TEKT5: variants seen among roughly 807,000 people sequenced by gnomAD.
TEKT5 encodes the protein tektin-5.
A neutral mutation model predicts 48.7 loss-of-function variants in TEKT5; 52 were observed. That is an observed-to-expected ratio of 1.07 (90% CI 0.86 to 1.35). The LOEUF (loss-of-function observed/expected upper bound fraction) is 1.35, where lower values mean the gene tolerates loss of function less well. TEKT5 is among the 40% of genes most tolerant of loss of function. The pLI, the probability that TEKT5 is intolerant of heterozygous loss-of-function variation, is 0.00. For synonymous variants in TEKT5, 318 were observed against 267.6 expected (o/e 1.19, Z -1.84); for missense variants, 831 against 641.6 (o/e 1.30, Z -3.19).
chr16:10,644,543 C>T (rs1898042294), intron 5 of TEKT5, among the ~76,000 whole-genome samples: 1 of 152,294 alleles, frequency 6.6e-6, no homozygotes, highest in South Asian at 2.1e-4. Context: ...AAACGGACAG[C>T]CACCTCCATC....
intron 5 of TEKT5, among the ~76,000 whole-genome samples, chr16:10,636,311 G>T (rs1456244434): frequency 1.3e-5 from 2 of 151,732 alleles, no homozygotes; most frequent in Non-Finnish European, 2.9e-5. Context: ...GGAGGCGGAG[G>T]TTGCAGTGAG....
intron 2 of TEKT5, among the ~76,000 whole-genome samples, chr16:10,689,689 C>T (rs1171807165): frequency 6.6e-6 from 1 of 152,074 alleles, no homozygotes; most frequent in Non-Finnish European, 1.5e-5. Context: ...TCAATAAACG[C>T]TAGCTTTTAT....
At chr16:10,652,308 CCA>C (rs1898171227) in intron 5 of TEKT5, among the ~76,000 whole-genome samples, 1 of 152,012 alleles carries the variant, frequency 6.6e-6, no homozygotes, top group South Asian at 2.1e-4. Context: ...TGCTTTTCTC[CCA>C]CACACTCTGA....
At chr16:10,647,575 G>A (rs1001334383) in intron 5 of TEKT5, among the ~76,000 whole-genome samples, 1 of 152,028 alleles carries the variant, frequency 6.6e-6, no homozygotes, top group Non-Finnish European at 1.5e-5. Flanking sequence ...CCACCAGTAG[G>A]TGCTGTTGCT....
chr16:10,638,001 T>C (rs1010403814), intron 5 of TEKT5, among the ~76,000 whole-genome samples: 1 of 151,980 alleles, frequency 6.6e-6, no homozygotes. Flanking sequence ...TTCAAGAGAT[T>C]GGGGCTTGCT....
At position 10,661,761 on chromosome 16, in the gene TEKT5, T is replaced by G. The variant is rs529878937; in HGVS notation, c.1086+14198A>C. Among the ~76,000 whole-genome samples, 9 of 152,138 alleles carry G rather than the reference T, an allele frequency of 5.9e-5. No homozygotes were observed. The East Asian group carries it at 1.7e-3, about 29-fold the overall frequency. On this transcript the variant is annotated intron_variant, in intron 5 of 6. Coordinates refer to ENST00000283025, the MANE Select transcript of TEKT5 (RefSeq NM_144674.2). ...CCAGAGGAACCTTCTAGAAGAGAGG[T>G]TGGGGAGCCACCAGCCACTGCCAAG... is the stretch of plus-strand genomic sequence containing the variant.
chr16:10,689,493 A>G (rs1012149084), intron 2 of TEKT5, among the ~76,000 whole-genome samples, 170 bp from the exon 3 acceptor site: 2 of 146,942 alleles, frequency 1.4e-5, no homozygotes, highest in African/African-American at 5.0e-5. Context: ...AGGGCCAGGC[A>G]GCTAAGGGTT....
chr16:10,687,185 T>C (rs1898876767), intron 3 of TEKT5, among the ~76,000 whole-genome samples: 1 of 152,220 alleles, frequency 6.6e-6, no homozygotes, highest in African/African-American at 2.4e-5. Flanking sequence ...CAATGTACTG[T>C]GTTCTTGAAA....
intron 5 of TEKT5, among the ~76,000 whole-genome samples, chr16:10,641,100 G>A (rs975963790): frequency 2.6e-5 from 4 of 151,206 alleles, no homozygotes; most frequent in African/African-American, 7.3e-5. Context: ...CAGTATTCAC[G>A]ACTGCCAGTT....
chr16:10,634,984 G>A (rs1897892960), intron 6 of TEKT5, among the ~76,000 whole-genome samples: 1 of 152,154 alleles, frequency 6.6e-6, no homozygotes, highest in Non-Finnish European at 1.5e-5. Flanking sequence ...AACAAATGTG[G>A]TTCTTTCAAG....
At chr16:10,634,063 G>A (rs1010119355) in intron 6 of TEKT5, among the ~76,000 whole-genome samples, 1 of 152,136 alleles carries the variant, frequency 6.6e-6, no homozygotes, top group African/African-American at 2.4e-5. Flanking sequence ...CAGGATGGAG[G>A]GAGCAGGGTC....
intron 5 of TEKT5, among the ~76,000 whole-genome samples, chr16:10,648,322 T>C (rs567068991): frequency 7.9e-5 from 12 of 151,408 alleles, no homozygotes; most frequent in Non-Finnish European, 1.6e-4. Context: ...TTTTTATTTA[T>C]CATTTTTTTT....
chr16:10,659,472 C>G (rs193040845), intron 5 of TEKT5, among the ~76,000 whole-genome samples: 1 of 152,142 alleles, frequency 6.6e-6, no homozygotes, highest in Non-Finnish European at 1.5e-5. Context: ...CTCTGCCTCC[C>G]GAGTTCACAC....
chr16:10,689,521 CT>C (rs35713504), intron 2 of TEKT5, among the ~76,000 whole-genome samples, 198 bp from the exon 3 acceptor site: 5,263 of 105,520 alleles, frequency 0.05, 250 homozygotes, highest in African/African-American at 0.18. Context: ...GAGGCTCCAC[CT>C]TTTTTTTTTT....
intron 4 of TEKT5, among the ~76,000 whole-genome samples, chr16:10,680,330 C>A (rs951227610): frequency 6.6e-6 from 1 of 152,230 alleles, no homozygotes; most frequent in African/African-American, 2.4e-5. Flanking sequence ...GGAACACCTT[C>A]CTTCTCGCTT....
At chr16:10,631,436 T>C (rs957380247) in intron 6 of TEKT5, among the ~76,000 whole-genome samples, 1 of 150,924 alleles carries the variant, frequency 6.6e-6, no homozygotes, top group African/African-American at 2.4e-5. Flanking sequence ...TAAGATGAGA[T>C]TGGAAGGGGG....
intron 5 of TEKT5, among the ~76,000 whole-genome samples, chr16:10,646,350 A>C (rs879162448): frequency 6.6e-6 from 1 of 152,160 alleles, no homozygotes; most frequent in Non-Finnish European, 1.5e-5. Flanking sequence ...TGCCCTACAA[A>C]TTATAGAATC....
chr16:10,650,883 T>TAAA (rs546133425), intron 5 of TEKT5, among the ~76,000 whole-genome samples: 12 of 130,686 alleles, frequency 9.2e-5, no homozygotes, highest in African/African-American at 2.5e-4. Flanking sequence ...AGACTCCATC[T>TAAA]AAAAAAAAAA....
Position 10,635,847 on chromosome 16 carries a change from G to A in TEKT5, c.1158C>T (p.Gly386=), listed in dbSNP as rs200079490. The stretch of plus-strand genomic sequence containing the variant: ...GCCTTGTCTGGGCCACCTTCAGCGG[G>A]CCCTCCTTGGCCATGATGGACCTTT... ...LLERSIMAKE[G]PLKVAQTRLE... is the part of the protein sequence containing the mutation. The change falls in exon 6 of 7, where the codon GGC becomes GGT. Residue 386 remains glycine, a synonymous_variant. Coordinates refer to ENST00000283025, the MANE Select transcript of TEKT5 (RefSeq NM_144674.2). The A allele has an allele frequency of 4.2e-5, 67 of 1,614,158 alleles. No homozygotes were observed. The East Asian group carries it at 1.2e-3, about 29-fold the overall frequency.
Sources: allele counts gnomAD v4.1 joint callset (sites outside exome capture counted in the v4.1 genomes callset), GRCh38; gene constraint gnomAD v4.1.1; transcripts MANE v1.5; gene names NCBI Gene and HGNC (gene_info 2026-07-23, HGNC 2026-07-21).